The following L3MBTL4 variants were observed in gnomAD, a reference collection of about 807,000 sequenced individuals.
L3MBTL4 encodes the protein L3MBTL histone methyl-lysine binding protein 4.
Under a neutral mutation model 84.5 loss-of-function variants are expected in L3MBTL4, and 70 were observed. The ratio of observed to expected loss-of-function variants is 0.83; its 90% CI spans 0.68 to 1.01. The LOEUF is 1.01. Among genes scored for constraint, L3MBTL4 ranks in the 50% least tolerant of loss-of-function variants. The pLI is 0.00. For missense variants in L3MBTL4, 715 were observed against 754.8 expected (o/e 0.95, Z 0.62); for synonymous variants, 274 against 259.8 (o/e 1.05, Z -0.52).
chr18:6,135,032 C>A (rs1025885818), intron 14 of L3MBTL4, among the ~76,000 whole-genome samples: 1 of 152,208 alleles, frequency 6.6e-6, no homozygotes, highest in African/African-American at 2.4e-5. Flanking sequence ...CTTCTTAAAT[C>A]TAGGCGGAGG....
At chr18:6,323,640 G>T (rs151041579) in intron 1 of L3MBTL4, among the ~76,000 whole-genome samples, 1 of 152,198 alleles carries the variant, frequency 6.6e-6, no homozygotes, top group Non-Finnish European at 1.5e-5. Context: ...TCAAGAGGTG[G>T]CCTGGCTGCT....
intron 1 of L3MBTL4, among the ~76,000 whole-genome samples, chr18:6,376,787 A>G (rs754134197): frequency 2.0e-5 from 3 of 152,196 alleles, no homozygotes; most frequent in Non-Finnish European, 4.4e-5. Context: ...TTTCCTTACT[A>G]GCATAGCCTG....
chr18:6,118,219 A>ACACACACACACACACACACACACACACC (rs2059418651), intron 14 of L3MBTL4, among the ~76,000 whole-genome samples: 1 of 151,828 alleles, frequency 6.6e-6, no homozygotes, highest in Non-Finnish European at 1.5e-5. Context: ...ACACACACAC[A>ACACACACACACACACACACACACACACC]CACACACACG....
At chr18:5,960,259 A>C (rs972359734) in intron 17 of L3MBTL4, 103 bp from the exon 18 acceptor site, 27 of 542,742 alleles carry the variant, frequency 5.0e-5, no homozygotes, top group Non-Finnish European at 8.7e-5. Context: ...AATCTCTCAA[A>C]CTCTTGGGAA....
intron 1 of L3MBTL4, among the ~76,000 whole-genome samples, chr18:6,347,346 C>CA (rs1447019421): frequency 2.0e-5 from 3 of 149,244 alleles, no homozygotes; most frequent in African/African-American, 7.4e-5. Context: ...GTTCTTACCC[C>CA]CAAAAAAGAA....
intron 1 of L3MBTL4, among the ~76,000 whole-genome samples, chr18:6,387,014 A>C (rs184554786): frequency 2.1e-3 from 323 of 152,308 alleles, no homozygotes; most frequent in African/African-American, 7.4e-3. Flanking sequence ...ATTAGAGTGC[A>C]GGAGAATGAG....
At chr18:6,247,465 G>GTTTTTT (rs2047718072) in intron 5 of L3MBTL4, among the ~76,000 whole-genome samples, 2 of 84,858 alleles carry the variant, frequency 2.4e-5, no homozygotes, top group African/African-American at 1.4e-4. Flanking sequence ...CCCCTCCTCT[G>GTTTTTT]ATTTTTTTTT....
At chr18:6,344,721 G>A (rs1293536515) in intron 1 of L3MBTL4, among the ~76,000 whole-genome samples, 1 of 151,944 alleles carries the variant, frequency 6.6e-6, no homozygotes, top group Non-Finnish European at 1.5e-5. Flanking sequence ...TGCAAGGATG[G>A]TTCAACATAT....
chr18:6,098,483 C>A (rs183014000), intron 14 of L3MBTL4, among the ~76,000 whole-genome samples: 175 of 152,332 alleles, frequency 1.1e-3, no homozygotes, highest in African/African-American at 4.0e-3. Context: ...GATGTAATAG[C>A]CTCTTGAGTG....
intron 16 of L3MBTL4, among the ~76,000 whole-genome samples, chr18:6,000,719 G>A (rs1225854427): frequency 6.6e-6 from 1 of 152,176 alleles, no homozygotes; most frequent in Non-Finnish European, 1.5e-5. Flanking sequence ...CACATTCAGT[G>A]AATTGGAATG....
At chr18:6,276,648 A>C (rs1487871912) in intron 4 of L3MBTL4, among the ~76,000 whole-genome samples, 2 of 142,694 alleles carry the variant, frequency 1.4e-5, no homozygotes, top group African/African-American at 5.6e-5. Flanking sequence ...GCACAAAACA[A>C]AGCATTAAAA....
intron 16 of L3MBTL4, among the ~76,000 whole-genome samples, chr18:6,022,138 A>G (rs894074283): frequency 2.0e-5 from 3 of 152,166 alleles, no homozygotes; most frequent in African/African-American, 7.2e-5. Context: ...TCACTGTACA[A>G]TCTATTTCTC....
intron 1 of L3MBTL4, among the ~76,000 whole-genome samples, chr18:6,406,813 G>A (rs1007963660): frequency 2.6e-5 from 4 of 152,038 alleles, no homozygotes; most frequent in African/African-American, 9.7e-5. Flanking sequence ...ATCCAAATGT[G>A]TAACTACGAA....
At chr18:6,175,915 AC>A (rs1568259559) in intron 12 of L3MBTL4, among the ~76,000 whole-genome samples, 4 of 152,114 alleles carry the variant, frequency 2.6e-5, no homozygotes, top group Admixed American at 2.0e-4. Context: ...TATACTGGCA[AC>A]AAAAAAATTT....
In L3MBTL4 at chr18:5,956,004, G is replaced by A. The variant is rs971626612; in HGVS notation, c.*216C>T. ...GATCCCACCAAAGATAACAATGTTC[G>A]TAAACCAAACCCACAGATGGGCCTA... On this transcript the variant is annotated 3_prime_UTR_variant, in exon 19 of 19. Transcript: ENST00000317931. 9.9e-5 allele frequency: 48 copies of A among 482,734 alleles called. No homozygotes were observed. Among genetic ancestry groups the A allele is most frequent in the Middle Eastern group, 5.3e-4 (1 of 1,892 alleles). The allele number at this position is 482,734 out of a possible 1,614,324, so 29.9% of individuals were successfully genotyped here. A position where few individuals can be genotyped will look rare whatever the true frequency, so the allele number is the denominator to read the frequency against.
chr18:6,276,630 A>G (rs2049088534), intron 4 of L3MBTL4, among the ~76,000 whole-genome samples: 1 of 150,804 alleles, frequency 6.6e-6, no homozygotes, highest in Admixed American at 6.6e-5. Context: ...CTCAGAGCTT[A>G]TAGTCCAGCA....
At chr18:6,412,951 G>A (rs2056030222) in intron 1 of L3MBTL4, among the ~76,000 whole-genome samples, 1 of 152,050 alleles carries the variant, frequency 6.6e-6, no homozygotes, top group African/African-American at 2.4e-5. Flanking sequence ...AATTAGCCAG[G>A]CATGGTGGTG....
chr18:6,258,007 A>G (rs554730665), intron 5 of L3MBTL4, among the ~76,000 whole-genome samples: 29 of 152,302 alleles, frequency 1.9e-4, no homozygotes, highest in African/African-American at 6.7e-4. Flanking sequence ...GAGATAACTG[A>G]TGGAGTAAGA....
chr18:6,378,348 T>C (rs149900787), intron 1 of L3MBTL4, among the ~76,000 whole-genome samples: 381 of 152,372 alleles, frequency 2.5e-3, no homozygotes, highest in African/African-American at 8.8e-3. Context: ...CAATTTTGGC[T>C]ATTGTTGCCA....
Sources: allele counts gnomAD v4.1 joint callset (sites outside exome capture counted in the v4.1 genomes callset), GRCh38; gene constraint gnomAD v4.1.1; transcripts MANE v1.5; gene names NCBI Gene and HGNC (gene_info 2026-07-23, HGNC 2026-07-21).